GPR39: variants seen among roughly 807,000 people sequenced by gnomAD.
GPR39 encodes the protein zinc sensing receptor.
Under a neutral mutation model 18.4 loss-of-function variants are expected in GPR39, and 23 were observed. That is an observed-to-expected ratio of 1.25 (90% CI 0.90 to 1.77). The LOEUF is 1.77. Among genes scored for constraint, GPR39 ranks in the 40% most tolerant of loss-of-function variants. The pLI, the probability that GPR39 is intolerant of heterozygous loss-of-function variation, is 0.00. For synonymous variants in GPR39, 280 were observed against 257.9 expected, an observed-to-expected ratio of 1.09 and a Z score of -0.82; for missense variants, 647 against 602.4, an observed-to-expected ratio of 1.07 and a Z score of -0.78.
chr2:132,617,378 G>A (rs1422726568), intron 1 of GPR39, among the ~76,000 whole-genome samples: 1 of 152,064 alleles, frequency 6.6e-6, no homozygotes, highest in East Asian at 1.9e-4. Flanking sequence ...GAATGGGAAT[G>A]CCTTTCCTTT....
chr2:132,629,978 G>A lies in GPR39; in HGVS notation c.857-15123G>A, dbSNP rs549754704. On this transcript the variant is annotated intron_variant, in intron 1 of 1. Transcript: ENST00000329321. Reference sequence around the variant, plus strand: ...TGGTTCAACGATAGTGCGTCTTATTGTTTTCATCTGTAAAAATAGGGATAA... The same window carrying A: ...TGGTTCAACGATAGTGCGTCTTATTATTTTCATCTGTAAAAATAGGGATAA... 1.3e-3 allele frequency among the ~76,000 whole-genome samples: 194 copies of A among 152,250 alleles called. 1 individual carries two copies. Among genetic ancestry groups the A allele is most frequent in the African/African-American group, 4.6e-3 (190 of 41,548 alleles).
At chr2:132,550,133 T>C (rs766744898) in intron 1 of GPR39, among the ~76,000 whole-genome samples, 1 of 152,154 alleles carries the variant, frequency 6.6e-6, no homozygotes, top group Non-Finnish European at 1.5e-5. Flanking sequence ...GCCCGGACAA[T>C]GAATATGCAA....
At chr2:132,529,987 A>G (rs1679583794) in intron 1 of GPR39, among the ~76,000 whole-genome samples, 1 of 152,214 alleles carries the variant, frequency 6.6e-6, no homozygotes, top group Non-Finnish European at 1.5e-5. Context: ...CCAGCAATGG[A>G]ACAAAGCTGG....
intron 1 of GPR39, among the ~76,000 whole-genome samples, chr2:132,440,135 C>T (rs1368023662): frequency 6.6e-6 from 1 of 152,070 alleles, no homozygotes; most frequent in Non-Finnish European, 1.5e-5. Flanking sequence ...TTACAGAGTC[C>T]CCCTGTGCTG....
chr2:132,616,732 T>C (rs1681341393), intron 1 of GPR39, among the ~76,000 whole-genome samples: 1 of 152,202 alleles, frequency 6.6e-6, no homozygotes, highest in South Asian at 2.1e-4. Flanking sequence ...TCAGTGCTTT[T>C]GTGCAGTGTT....
intron 1 of GPR39, among the ~76,000 whole-genome samples, chr2:132,592,088 T>C (rs1680855915): frequency 6.6e-6 from 1 of 152,246 alleles, no homozygotes; most frequent in Admixed American, 6.5e-5. Flanking sequence ...CCAAGTGGTA[T>C]TCTAGACATT....
chr2:132,645,546 C>G lies in GPR39; in HGVS notation c.1302C>G (p.Asn434Lys). 6.2e-7 allele frequency: 1 copy of G among 1,614,154 alleles called. No individual in the cohort carries two copies. The highest frequency in any genetic ancestry group is 8.5e-7 in the Non-Finnish European group (1 of 1,180,010). ...TGAGTCTCGAGTCACTAGAGCCCAA[C>G]TCAGGCGCGAAACCAGCCAATTCTG... is the stretch of plus-strand genomic sequence containing the variant. Reference protein sequence around the residue: ...QSLSLESLEPNSGAKPANSAA... With the variant: ...QSLSLESLEPKSGAKPANSAA... Residue 434 changes from asparagine to lysine, a missense_variant, in exon 2 of 2, where the codon AAC becomes AAG. Asn to Lys is a moderately conservative substitution (Grantham distance 94). This residue lies in a region of GPR39 where 581 missense variants were observed against 506.8 expected (regional missense o/e 1.15). Transcript: ENST00000329321.
At chr2:132,444,199 C>A (rs1353192009) in intron 1 of GPR39, among the ~76,000 whole-genome samples, 1 of 152,208 alleles carries the variant, frequency 6.6e-6, no homozygotes, top group Non-Finnish European at 1.5e-5. Flanking sequence ...TATTCTCATA[C>A]TGACTACAAG....
At chr2:132,442,059 A>C (rs1366554867) in intron 1 of GPR39, among the ~76,000 whole-genome samples, 1 of 152,112 alleles carries the variant, frequency 6.6e-6, no homozygotes, top group East Asian at 1.9e-4. Context: ...GTAGAGTCAC[A>C]ATTGTCCTTG....
intron 1 of GPR39, among the ~76,000 whole-genome samples, chr2:132,641,100 AG>A (rs1314264764): frequency 8.5e-5 from 13 of 152,218 alleles, no homozygotes; most frequent in Non-Finnish European, 1.9e-4. Flanking sequence ...AGGCAGGGGA[AG>A]TTTATCCCAA....
intron 1 of GPR39, among the ~76,000 whole-genome samples, chr2:132,614,184 T>TTTTG (rs765123791): frequency 2.5e-4 from 38 of 150,792 alleles, no homozygotes; most frequent in Non-Finnish European, 4.0e-4. Context: ...TTGCTTTTTT[T>TTTTG]TTTGTTTTTG....
chr2:132,466,525 C>T (rs1298553367), intron 1 of GPR39, among the ~76,000 whole-genome samples: 1 of 152,140 alleles, frequency 6.6e-6, no homozygotes, highest in Non-Finnish European at 1.5e-5. Context: ...TCTGTGGTGT[C>T]TGTTGAGAAA....
intron 1 of GPR39, among the ~76,000 whole-genome samples, chr2:132,635,913 G>A (rs968608604): frequency 2.0e-5 from 3 of 152,160 alleles, no homozygotes; most frequent in Non-Finnish European, 4.4e-5. Context: ...AGAGATGGTG[G>A]CTATCTGCAA....
At chr2:132,437,195 GAGC>G (rs1285557187) in intron 1 of GPR39, among the ~76,000 whole-genome samples, 1 of 152,190 alleles carries the variant, frequency 6.6e-6, no homozygotes, top group African/African-American at 2.4e-5. Context: ...CGCACAGGCA[GAGC>G]AAACAAAAGT....
chr2:132,449,615 A>G (rs1461701197), intron 1 of GPR39, among the ~76,000 whole-genome samples: 1 of 152,148 alleles, frequency 6.6e-6, no homozygotes, highest in Non-Finnish European at 1.5e-5. Context: ...AGGGCTTCTC[A>G]TCAGCCCTTT....
intron 1 of GPR39, among the ~76,000 whole-genome samples, chr2:132,451,174 T>TGTGCACGC (rs3219552): frequency 6.7e-6 from 1 of 150,354 alleles, no homozygotes; most frequent in Non-Finnish European, 1.5e-5. Context: ...TGTGTGTGTG[T>TGTGCACGC]GCACGCGCGT....
chr2:132,436,520 T>G (rs1680321562), intron 1 of GPR39, among the ~76,000 whole-genome samples: 1 of 152,180 alleles, frequency 6.6e-6, no homozygotes, highest in South Asian at 2.1e-4. Context: ...TTTTGGCCAT[T>G]TTAATAATAA....
At chr2:132,448,193 A>C (rs997637278) in intron 1 of GPR39, among the ~76,000 whole-genome samples, 1 of 152,178 alleles carries the variant, frequency 6.6e-6, no homozygotes, top group Admixed American at 6.5e-5. Context: ...TCCTATAATG[A>C]ACAGTCAAAT....
intron 1 of GPR39, among the ~76,000 whole-genome samples, chr2:132,467,749 C>T (rs1167136306): frequency 1.3e-5 from 2 of 152,126 alleles, no homozygotes; most frequent in African/African-American, 4.8e-5. Context: ...TCAGTGAAGG[C>T]AGGGAACATA....
Sources: gnomAD v4.1 joint callset for allele counts (sites outside exome capture counted in the v4.1 genomes callset) on GRCh38, gnomAD v4.1.1 for gene constraint, gnomAD v4.1.1 regional missense constraint, MANE v1.5 for transcripts, NCBI Gene and HGNC (gene_info 2026-07-23, HGNC 2026-07-21) for gene names.